FARP1: variants seen among roughly 807,000 people sequenced by gnomAD.
FARP1 encodes the protein FERM, ARH/RhoGEF and pleckstrin domain protein 1, also known as FERM, ARHGEF and pleckstrin domain-containing protein 1.
A neutral mutation model predicts 128.8 loss-of-function variants in FARP1; 52 were observed. The observed-to-expected ratio is 0.40, with a 90% CI of 0.32 to 0.51. The LOEUF (loss-of-function observed/expected upper bound fraction) is 0.51. Ranked by LOEUF, FARP1 falls within the 20% of genes least tolerant of loss-of-function variation. FARP1 has a pLI of 0.45. For synonymous variants in FARP1, 580 were observed against 551.8 expected (o/e 1.05, Z -0.72); for missense variants, 1,333 against 1,367.9 (o/e 0.97, Z 0.40).
At chr13:98,181,659 A>G (rs979652419) in intron 1 of FARP1, among the ~76,000 whole-genome samples, 1 of 142,934 alleles carries the variant, frequency 7.0e-6, no homozygotes, top group Non-Finnish European at 1.5e-5. Flanking sequence ...AGAGAGAGAG[A>G]GAGTCTCACT....
chr13:98,446,840 C>A (rs748268963), intron 26 of FARP1, 23 bp downstream of exon 26: 3 of 1,612,630 alleles, frequency 1.9e-6, no homozygotes, highest in Admixed American at 1.7e-5. Flanking sequence ...TTCCCACGCA[C>A]AGGGCCCTGC....
rs1486895831 is a variant in FARP1 at position 98,368,131 on chromosome 13, G to A, written c.334G>A (p.Val112Ile). The change falls in exon 5 of 27, where the codon GTT becomes ATT. Residue 112 changes from valine to isoleucine, a missense_variant. By Grantham distance (29) the Val-to-Ile change is conservative. This residue lies in a region of FARP1 where 324 missense variants were observed against 398.1 expected (regional missense o/e 0.81). Coordinates refer to ENST00000319562, the MANE Select transcript of FARP1 (RefSeq NM_005766.4). ...VKQIRRPKHV[V>I]VKFVVKFFPP... ...TTCTTCTTTAGGGCCAAAGCACGTTGTTGTTAAGTTTGTGGTGAAATTCTT... is the reference window on the plus strand; with the variant it reads ...TTCTTCTTTAGGGCCAAAGCACGTTATTGTTAAGTTTGTGGTGAAATTCTT... 3.1e-6 allele frequency: 5 copies of A among 1,613,806 alleles called. No homozygotes were observed. The South Asian group carries it at 5.5e-5, about 18-fold the overall frequency.
chr13:98,328,437 C>T (rs1566883698), intron 2 of FARP1: 1 of 152,174 alleles, frequency 6.6e-6, no homozygotes, highest in Non-Finnish European at 1.5e-5. Flanking sequence ...AAAGCCCTTT[C>T]CATCTTAACT....
chr13:98,452,013 C>T lies in FARP1; in HGVS notation c.*3696C>T, dbSNP rs926262878. 18 of 152,336 alleles carry T rather than the reference C, an allele frequency of 1.2e-4. No individual in the cohort carries two copies. The highest frequency in any genetic ancestry group is 2.4e-4 in the Non-Finnish European group (16 of 68,082). The allele number at this position is 152,336 out of a possible 1,614,324, so 9.4% of individuals were successfully genotyped here. ...AGTCCAGGGCGCTGACCTGGGCACT[C>T]GGCAGCTCCAGGCCTGGGGACTTCT... On this transcript the variant is annotated 3_prime_UTR_variant, in exon 27 of 27. Coordinates refer to ENST00000319562, the MANE Select transcript of FARP1 (RefSeq NM_005766.4).
At chr13:98,382,499 A>G (rs1159595017) in intron 6 of FARP1, 1 of 151,922 alleles carries the variant, frequency 6.6e-6, no homozygotes, top group Non-Finnish European at 1.5e-5. Flanking sequence ...TCTAAGATTC[A>G]TAGGAATTAA....
rs1890278967 is a variant in FARP1 at position 98,390,843 on chromosome 13, G to A, written c.1051G>A (p.Val351Ile). 6.2e-7 allele frequency: 1 copy of A among 1,613,808 alleles called. No individual in the cohort carries two copies. ...GACTCAGAAGCAGGTTCTCGACTAT[G>A]TTAAAGAAGGAGGACATAAGAAGGT... ...GRTQKQVLDY[V>I]KEGGHKKVQF... The change falls in exon 11 of 27, where the codon GTT (valine) becomes ATT (isoleucine). Residue 351 changes from valine (V) to isoleucine (I), a missense_variant. By Grantham distance (29) the Val-to-Ile change is conservative. Around this residue, in one of 2 missense-constraint regions of FARP1, gnomAD observed 1,009 missense variants for 969.8 expected, o/e 1.04. Coordinates refer to ENST00000319562, the MANE Select transcript of FARP1 (RefSeq NM_005766.4).
chr13:98,164,877 C>T (rs1320999309), intron 1 of FARP1, among the ~76,000 whole-genome samples: 4 of 151,954 alleles, frequency 2.6e-5, no homozygotes, highest in South Asian at 2.1e-4. Context: ...GTCAGGAGTT[C>T]GAGACCAGCC....
At chr13:98,370,383 T>C (rs3783023) in intron 5 of FARP1, among the ~76,000 whole-genome samples, 30,770 of 150,764 alleles carry the variant, frequency 0.2, 3,917 homozygotes, top group Non-Finnish European at 0.3. Flanking sequence ...AGAAGGAGAG[T>C]CCCAGGGCAT....
At chr13:98,407,385 C>T (rs1428007741) in intron 13 of FARP1, 1 of 151,846 alleles carries the variant, frequency 6.6e-6, no homozygotes, top group African/African-American at 2.4e-5. Flanking sequence ...CTTGAAACAA[C>T]TGCAGTTCTA....
chr13:98,434,051 C>G (rs1024649492), intron 18 of FARP1: 2 of 152,308 alleles, frequency 1.3e-5, no homozygotes, highest in Non-Finnish European at 2.9e-5. Flanking sequence ...TGCTATTTCT[C>G]TAAACAGTAC....
chr13:98,243,471 G>A (rs1882890670), intron 2 of FARP1, among the ~76,000 whole-genome samples: 1 of 151,852 alleles, frequency 6.6e-6, no homozygotes, highest in African/African-American at 2.4e-5. Flanking sequence ...TGAGGGGGGT[G>A]GATCACGAGG....
chr13:98,214,048 G>C (rs1474173390), intron 2 of FARP1, among the ~76,000 whole-genome samples: 1 of 152,184 alleles, frequency 6.6e-6, no homozygotes, highest in Non-Finnish European at 1.5e-5. Context: ...AGCAGCCTGG[G>C]GGCCGGAGGT....
rs766670787 is a variant in FARP1 at position 98,439,135 on chromosome 13, G to C, written c.2372G>C (p.Arg791Pro). 1 of 1,613,706 alleles carries C rather than the reference G, an allele frequency of 6.2e-7. No homozygotes were observed. Among genetic ancestry groups the C allele is most frequent in the Non-Finnish European group, 8.5e-7 (1 of 1,179,742 alleles). Reference sequence around the variant, plus strand: ...AACGACGTCCTGCTATACACGAGCCGGGGGCTGACGGCCTCCAATCAGTTT... The same window carrying C: ...AACGACGTCCTGCTATACACGAGCCCGGGGCTGACGGCCTCCAATCAGTTT... ...LFNDVLLYTS[R>P]GLTASNQFKV... Residue 791 changes from arginine (R) to proline (P), a missense_variant, in exon 21 of 27, where the codon CGG (arginine) becomes CCG (proline). This residue lies in a region of FARP1 where 1,009 missense variants were observed against 969.8 expected (regional missense o/e 1.04). Coordinates refer to ENST00000319562, the MANE Select transcript of FARP1 (RefSeq NM_005766.4).
intron 2 of FARP1, among the ~76,000 whole-genome samples, chr13:98,293,589 A>G (rs1294399244): frequency 6.6e-6 from 1 of 152,218 alleles, no homozygotes; most frequent in East Asian, 1.9e-4. Context: ...GCACAGGGAT[A>G]CTGTCAACAA....
intron 1 of FARP1, among the ~76,000 whole-genome samples, chr13:98,161,939 C>T (rs1357421938): frequency 6.6e-6 from 1 of 152,082 alleles, no homozygotes; most frequent in Non-Finnish European, 1.5e-5. Context: ...TCTGCCACTT[C>T]TGGCTAATTT....
At position 98,450,195 on chromosome 13, in the gene FARP1, C is replaced by T. The variant is rs3742137; in HGVS notation, c.*1878C>T. On this transcript the variant is annotated 3_prime_UTR_variant, in exon 27 of 27. Transcript: ENST00000319562. The stretch of plus-strand genomic sequence containing the variant: ...ACTACACATGAGACACACAATGATG[C>T]AGATACTCGTTTTCTTGAGCTTTAT... The T allele has an allele frequency of 0.26, 39,037 of 152,104 alleles. 5,159 individuals carry two copies. Among genetic ancestry groups the T allele is most frequent in the Non-Finnish European group, 0.3 (20,140 of 67,970 alleles). The allele number at this position is 152,104 out of a possible 1,614,324, so 9.4% of individuals were successfully genotyped here.
chr13:98,242,741 AT>A (rs1348961168), intron 2 of FARP1, among the ~76,000 whole-genome samples: 1 of 152,232 alleles, frequency 6.6e-6, no homozygotes, highest in Admixed American at 6.5e-5. Flanking sequence ...ATAGTAAAAA[AT>A]TATTCAAGAA....
At chr13:98,217,081 G>A (rs1433110937) in intron 2 of FARP1, among the ~76,000 whole-genome samples, 1 of 152,088 alleles carries the variant, frequency 6.6e-6, no homozygotes, top group African/African-American at 2.4e-5. Flanking sequence ...TCCCCTCCTC[G>A]TGACCCGGCG....
chr13:98,402,554 TC>T (rs1190471703), intron 13 of FARP1: 2 of 152,214 alleles, frequency 1.3e-5, no homozygotes, highest in African/African-American at 4.8e-5. Context: ...GACTCCTTTT[TC>T]TTCTGGGCCT....
Sources: gnomAD v4.1 joint callset for allele counts (sites outside exome capture counted in the v4.1 genomes callset) on GRCh38, gnomAD v4.1.1 for gene constraint, gnomAD v4.1.1 regional missense constraint, MANE v1.5 for transcripts, NCBI Gene and HGNC (gene_info 2026-07-23, HGNC 2026-07-21) for gene names.